Variants in FABP3 observed in about 807,000 individuals in gnomAD.
FABP3 encodes fatty acid binding protein 3, also known as fatty acid-binding protein, heart.
A neutral mutation model predicts 13.4 loss-of-function variants in FABP3; 8 were observed. The ratio of observed to expected loss-of-function variants is 0.60; its 90% confidence interval spans 0.35 to 1.07. FABP3 has a LOEUF of 1.07. Ranked by LOEUF, FABP3 falls within the 50% of genes least tolerant of loss-of-function variation. The pLI is 0.02. For missense variants in FABP3, 135 were observed against 164.7 expected (o/e 0.82, Z 0.99); for synonymous variants, 64 against 60.0 (o/e 1.07, Z -0.31).
downstream of FABP3, chr1:31,364,395 T>A (rs1640053905): frequency 1.1e-6 from 1 of 893,676 alleles, no homozygotes; most frequent in African/African-American, 1.7e-5. Flanking sequence ...GTTGTTTCCT[T>A]ATCACTCCTG....
Position 31,372,976 on chromosome 1 carries a change from G to C in FABP3, c.39C>G (p.Asp13Glu), listed in dbSNP as rs752758045. Residue 13 changes from aspartate (D) to glutamate (E), a missense_variant, in exon 1 of 4, where the codon GAC (aspartate) becomes GAG (glutamate). Transcript: ENST00000373713. ...TCATGTAGTCATCGAAATTCTTGCT[G>C]TCCACTAGCTTCCAGGTGCCCAGGA... ...DAFLGTWKLV[D>E]SKNFDDYMKS... The C allele has an allele frequency of 2.8e-5, 45 of 1,613,866 alleles. 1 individual carries two copies. The South Asian group carries it at 4.7e-4, about 17-fold the overall frequency.
chr1:31,372,604 C>T (rs1640226678), intron 1 of FABP3, among the ~76,000 whole-genome samples: 1 of 152,082 alleles, frequency 6.6e-6, no homozygotes, highest in Non-Finnish European at 1.5e-5. Flanking sequence ...CTACCCATGC[C>T]CCTGTTCTTT....
intron 3 of FABP3, among the ~76,000 whole-genome samples, chr1:31,366,222 T>G (rs1198843552): frequency 6.6e-6 from 1 of 152,138 alleles, no homozygotes; most frequent in East Asian, 1.9e-4. Context: ...GTCAAGATCC[T>G]GAGTGTTTTT....
the FABP3 span, among the ~76,000 whole-genome samples, chr1:31,360,018 TTGCCCAGGC>T: frequency 6.6e-6 from 1 of 152,164 alleles, no homozygotes; most frequent in South Asian, 2.1e-4. Context: ...TTCCATCTTG[TTGCCCAGGC>T]TGGAGTGCAA....
chr1:31,360,592 A>C (rs538698772), downstream of FABP3, among the ~76,000 whole-genome samples: 9 of 152,354 alleles, frequency 5.9e-5, no homozygotes, highest in Non-Finnish European at 8.8e-5. Context: ...CAGCTTTTGC[A>C]TCAAAGTTGA....
At chr1:31,360,199 C>A in the FABP3 span, among the ~76,000 whole-genome samples, 2 of 150,484 alleles carry the variant, frequency 1.3e-5, no homozygotes, top group African/African-American at 4.9e-5. Flanking sequence ...GACAGAGTTT[C>A]GCTCTTGTTG....
intron 2 of FABP3, among the ~76,000 whole-genome samples, 176 bp from the exon 3 acceptor site, chr1:31,367,670 C>T (rs1640137884): frequency 6.6e-6 from 1 of 152,228 alleles, no homozygotes; most frequent in Non-Finnish European, 1.5e-5. Context: ...TCTAGTTCAC[C>T]TCCAGCCTCT....
chr1:31,367,448 C>T lies in FABP3; in HGVS notation c.293G>A (p.Trp98Ter). The T allele has an allele frequency of 6.2e-7, 1 of 1,614,252 alleles. No homozygotes were observed. The highest frequency in any genetic ancestry group is 1.1e-5 in the South Asian group (1 of 91,088). Residue 98 changes from tryptophan to a stop codon, truncating the protein, a stop_gained, in exon 3 of 4, where the codon TGG (tryptophan) becomes TAG (stop). Transcript: ENST00000373713. LOFTEE classifies it high-confidence loss of function. ...CACAAGTGTGGTCTCTTGCCCGTCC[C>T]ATTTCTGCAGGTGAACAAGTTTCCC... The part of the protein sequence containing the change: ...DGGKLVHLQK[W>*]DGQETTLVRE...
intron 1 of FABP3, among the ~76,000 whole-genome samples, chr1:31,371,994 T>C (rs1158839866): frequency 1.3e-5 from 2 of 152,188 alleles, no homozygotes; most frequent in African/African-American, 4.8e-5. Flanking sequence ...TGCTGTGGAA[T>C]TGTTATAATA....
At chr1:31,367,888 TGAG>T (rs1349033718) in intron 2 of FABP3, among the ~76,000 whole-genome samples, 3 of 152,218 alleles carry the variant, frequency 2.0e-5, no homozygotes, top group East Asian at 1.9e-4. Context: ...AAAGACTGAC[TGAG>T]GAGGAGGAGT....
At position 31,372,990 on chromosome 1, in the gene FABP3, A is replaced by G; in HGVS notation, c.25T>C (p.Trp9Arg). ...AAATTCTTGCTGTCCACTAGCTTCC[A>G]GGTGCCCAGGAAAGCGTCCACCATA... MVDAFLGT[W>R]KLVDSKNFDD... The change falls in exon 1 of 4, where the codon TGG becomes CGG. Residue 9 changes from tryptophan (W) to arginine (R), a missense_variant. Coordinates refer to ENST00000373713, the MANE Select transcript of FABP3 (RefSeq NM_004102.5). 1.2e-6 allele frequency: 2 copies of G among 1,614,052 alleles called. No individual in the cohort carries two copies. Among genetic ancestry groups the G allele is most frequent in the East Asian group, 2.2e-5 (1 of 44,890 alleles).
At chr1:31,364,387 T>G (rs889834766), downstream of FABP3, 8 of 964,550 alleles carry the variant, frequency 8.3e-6, no homozygotes, top group Non-Finnish European at 1.2e-5. Flanking sequence ...AATGAGTTGT[T>G]GTTTCCTTAT....
chr1:31,360,295 G>C (rs182401855), downstream of FABP3, among the ~76,000 whole-genome samples: 2 of 152,146 alleles, frequency 1.3e-5, no homozygotes, highest in Non-Finnish European at 1.5e-5. Context: ...TCAGCCTCCC[G>C]AGTAGCTGGG....
rs1477883248 is a variant in FABP3 at position 31,367,491 on chromosome 1, T to C, written c.250A>G (p.Ile84Val). 1.9e-6 allele frequency: 3 copies of C among 1,613,632 alleles called. No homozygotes were observed. Among genetic ancestry groups the C allele is most frequent in the Non-Finnish European group, 2.5e-6 (3 of 1,179,556 alleles). The change falls in exon 3 of 4, where the codon ATT (isoleucine) becomes GTT (valine). Residue 84 changes from isoleucine (I) to valine (V), a missense_variant. Transcript: ENST00000373713. Reference sequence around the variant, plus strand: ...AGTTTCCCTCCATCCAGTGTCACAATGGACTGTGGAAAGAGGGTAGAGGCC... The same window carrying C: ...AGTTTCCCTCCATCCAGTGTCACAACGGACTGTGGAAAGAGGGTAGAGGCC... The part of the protein sequence containing the change: ...TTADDRKVKS[I>V]VTLDGGKLVH...
At chr1:31,364,124 A>C, downstream of FABP3, 1 of 1,613,986 alleles carries the variant, frequency 6.2e-7, no homozygotes, top group Non-Finnish European at 8.5e-7. Context: ...CAAGGCACAC[A>C]TCAAAAGACA....
Position 31,367,467 on chromosome 1 carries a change from GT to G in FABP3, c.273del (p.Lys91AsnfsTer19), listed in dbSNP as rs754926795. On this transcript the variant is annotated frameshift_variant, in exon 3 of 4. Transcript: ENST00000373713. LOFTEE classifies it high-confidence loss of function. ...CCGTCCCATTTCTGCAGGTGAACAAGTTTCCCTCCATCCAGTGTCACAATGG... is the reference window on the plus strand; with the variant it reads ...CCGTCCCATTTCTGCAGGTGAACAAGTTCCCTCCATCCAGTGTCACAATGG... The part of the protein sequence containing the change: ...VKSIVTLDGG[K>X]LVHLQKWDGQ... 4 of 1,614,186 alleles carry G rather than the reference GT, an allele frequency of 2.5e-6. No homozygotes were observed. In the South Asian group the frequency reaches 4.4e-5, roughly 18 times the overall value.
At chr1:31,368,367 A>C (rs1224984082) in intron 2 of FABP3, among the ~76,000 whole-genome samples, 2 of 152,020 alleles carry the variant, frequency 1.3e-5, no homozygotes, top group Non-Finnish European at 2.9e-5. Context: ...CAGAGTAGAT[A>C]TTTTTGCCCT....
chr1:31,372,436 G>T (rs1640224406), intron 1 of FABP3, among the ~76,000 whole-genome samples: 1 of 152,118 alleles, frequency 6.6e-6, no homozygotes, highest in African/African-American at 2.4e-5. Flanking sequence ...GCTTACTGCA[G>T]GTTCCTGTCT....
chr1:31,364,341 C>A, downstream of FABP3: 1 of 1,389,964 alleles, frequency 7.2e-7, no homozygotes, highest in Non-Finnish European at 9.5e-7. Flanking sequence ...ATGCAACAGG[C>A]AGGTTTGGGA....
Sources: gnomAD v4.1 joint callset for allele counts (sites outside exome capture counted in the v4.1 genomes callset) on GRCh38, gnomAD v4.1.1 for gene constraint, MANE v1.5 for transcripts, NCBI Gene and HGNC (gene_info 2026-07-23, HGNC 2026-07-21) for gene names.